Variants in ATXN1 observed in about 807,000 individuals in gnomAD.
ATXN1 encodes ataxin-1.
In ATXN1, 8 loss-of-function variants were observed where a neutral mutation model predicts 56.4. That is an observed-to-expected ratio of 0.14 (90% confidence interval 0.08 to 0.26). The LOEUF is 0.26. Ranked by LOEUF, ATXN1 falls within the 10% of genes least tolerant of loss-of-function variation. ATXN1 has a pLI of 1.00. For missense variants in ATXN1, 987 were observed against 1,106.5 expected, an observed-to-expected ratio of 0.89 and a Z score of 1.53; for synonymous variants, 514 against 494.6, an observed-to-expected ratio of 1.04 and a Z score of -0.52.
At chr6:16,530,093 A>G (rs1354003001) in intron 4 of ATXN1, among the ~76,000 whole-genome samples, 1 of 152,370 alleles carries the variant, frequency 6.6e-6, no homozygotes, top group South Asian at 2.1e-4. Flanking sequence ...AATTTGGTAG[A>G]TATCTGTTCT....
chr6:16,644,954 C>A (rs547176380), intron 3 of ATXN1, among the ~76,000 whole-genome samples: 1 of 152,134 alleles, frequency 6.6e-6, no homozygotes, highest in Non-Finnish European at 1.5e-5. Context: ...GATAACCACT[C>A]CAAAACTGTT....
chr6:16,646,823 C>T (rs567669994), intron 3 of ATXN1, among the ~76,000 whole-genome samples: 1 of 152,328 alleles, frequency 6.6e-6, no homozygotes, highest in African/African-American at 2.4e-5. Context: ...CATGTTTCCC[C>T]TAACAGTGTA....
intron 2 of ATXN1, among the ~76,000 whole-genome samples, chr6:16,723,868 TCTGG>T (rs1251816941): frequency 2.0e-5 from 3 of 152,206 alleles, no homozygotes; most frequent in African/African-American, 7.2e-5. Context: ...ATGAAAAGTT[TCTGG>T]CTATCATGCA....
At chr6:16,632,853 C>T (rs943041325) in intron 3 of ATXN1, among the ~76,000 whole-genome samples, 4 of 151,644 alleles carry the variant, frequency 2.6e-5, no homozygotes, top group African/African-American at 9.7e-5. Context: ...AAAAATTAGC[C>T]GGGTGTGGTG....
At chr6:16,415,128 C>A (rs937045076) in intron 6 of ATXN1, among the ~76,000 whole-genome samples, 1 of 152,110 alleles carries the variant, frequency 6.6e-6, no homozygotes. Context: ...GTTTGTACAA[C>A]AGAAGAAGAA....
At chr6:16,413,726 A>G (rs1758848295) in intron 6 of ATXN1, among the ~76,000 whole-genome samples, 1 of 152,162 alleles carries the variant, frequency 6.6e-6, no homozygotes, top group African/African-American at 2.4e-5. Context: ...GGGTGTCTGG[A>G]GAAAAATCCT....
intron 6 of ATXN1, among the ~76,000 whole-genome samples, chr6:16,408,430 G>A (rs780911865): frequency 6.6e-6 from 1 of 151,464 alleles, no homozygotes; most frequent in African/African-American, 2.4e-5. Flanking sequence ...TATTAAGTAT[G>A]TTAAAGAAGT....
chr6:16,328,738 G>T lies in ATXN1; in HGVS notation c.-160-268C>A, dbSNP rs955697089. Among the ~76,000 whole-genome samples the T allele has an allele frequency of 2.0e-5, 3 of 152,032 alleles. No individual in the cohort carries two copies. The highest frequency in any genetic ancestry group is 4.4e-5 in the Non-Finnish European group (3 of 68,008). ...ATCCTGGCTAACATGGTGAAACCCC[G>T]TCTCTACCAAAAATAAAAAATAAAA... On this transcript the variant is annotated intron_variant, in intron 6 of 7. Transcript: ENST00000436367. The surrounding 1 kb of genome is among the most constrained non-coding windows in gnomAD (Gnocchi z 6.2).
At position 16,661,194 on chromosome 6, in the gene ATXN1, A is replaced by G. The variant is rs531758645; in HGVS notation, c.-614-3293T>C. The stretch of plus-strand genomic sequence containing the variant: ...CTGGGAAACCTGGCTCTTCGTTTCG[A>G]AAGAGATTGCTATCTTACACCATAT... On this transcript the variant is annotated intron_variant, in intron 2 of 7. Transcript: ENST00000436367. 4.6e-5 allele frequency among the ~76,000 whole-genome samples: 7 copies of G among 152,240 alleles called. No individual in the cohort carries two copies. The East Asian group carries it at 1.2e-3, about 25-fold the overall frequency.
chr6:16,508,220 T>C (rs1761016087), intron 5 of ATXN1, among the ~76,000 whole-genome samples: 1 of 152,168 alleles, frequency 6.6e-6, no homozygotes, highest in Non-Finnish European at 1.5e-5. Context: ...CTACATGACC[T>C]GCCATGTAGT....
At chr6:16,740,346 C>T (rs187047798) in intron 2 of ATXN1, among the ~76,000 whole-genome samples, 2 of 152,220 alleles carry the variant, frequency 1.3e-5, no homozygotes, top group East Asian at 3.9e-4. Flanking sequence ...TCCTTCTTGC[C>T]TAGCAGAATA....
In ATXN1 at chr6:16,327,587, C is replaced by T. The variant is rs1760847715; in HGVS notation, c.724G>A (p.Ala242Thr). The T allele has an allele frequency of 1.3e-6, 2 of 1,596,848 alleles. No individual in the cohort carries two copies. The highest frequency in any genetic ancestry group is 1.7e-6 in the Non-Finnish European group (2 of 1,172,604). The change falls in exon 7 of 8, where the codon GCC (alanine) becomes ACC (threonine). Residue 242 changes from alanine to threonine, a missense_variant. Transcript: ENST00000436367. Reference sequence around the variant, plus strand: ...ATGTGGACGTACTGGTTCTGCTGGGCTGGTGGGGGGGACCCCGGGGTGATG... The same window carrying T: ...ATGTGGACGTACTGGTTCTGCTGGGTTGGTGGGGGGGACCCCGGGGTGATG... ...GLITPGSPPP[A>T]QQNQYVHISS...
At chr6:16,476,865 G>A (rs1203902620) in intron 6 of ATXN1, among the ~76,000 whole-genome samples, 2 of 152,172 alleles carry the variant, frequency 1.3e-5, no homozygotes, top group African/African-American at 4.8e-5. Flanking sequence ...CTTCTGTTGA[G>A]TATACAAAAC....
intron 3 of ATXN1, among the ~76,000 whole-genome samples, chr6:16,616,317 C>T (rs1763207793): frequency 6.6e-6 from 1 of 151,120 alleles, no homozygotes; most frequent in Non-Finnish European, 1.5e-5. Flanking sequence ...AGGTGGGTGG[C>T]TCACCTGAGG....
At chr6:16,682,971 T>A (rs3812196) in intron 2 of ATXN1, among the ~76,000 whole-genome samples, 1 of 152,034 alleles carries the variant, frequency 6.6e-6, no homozygotes, top group African/African-American at 2.4e-5. Flanking sequence ...GCTACCAACA[T>A]GGGTCAGGAA....
intron 6 of ATXN1, among the ~76,000 whole-genome samples, chr6:16,388,196 G>C (rs1758279841): frequency 6.6e-6 from 1 of 152,196 alleles, no homozygotes; most frequent in African/African-American, 2.4e-5. Flanking sequence ...CAGTCACGGT[G>C]AAAGGGGCTG....
rs184268019 is a variant in ATXN1, at chr6:16,590,140, G to C, written c.-488-4233C>G. Among the ~76,000 whole-genome samples, 5 of 152,272 alleles carry C rather than the reference G, an allele frequency of 3.3e-5. No individual in the cohort carries two copies. In the East Asian group the frequency reaches 9.6e-4, roughly 29 times the overall value. Reference sequence around the variant, plus strand: ...ATCCACTTCTGTTAATTACTGGACAGAGTAATGTGACTTCATAAATAAATA... The same window carrying C: ...ATCCACTTCTGTTAATTACTGGACACAGTAATGTGACTTCATAAATAAATA... On this transcript the variant is annotated intron_variant, in intron 3 of 7. Transcript: ENST00000436367.
intron 6 of ATXN1, among the ~76,000 whole-genome samples, chr6:16,366,353 C>A (rs1761918350): frequency 6.6e-6 from 1 of 152,138 alleles, no homozygotes; most frequent in East Asian, 1.9e-4. Context: ...TAACTTCTGG[C>A]TCTGGCACCC....
chr6:16,499,758 ACT>A (rs1402626947), intron 5 of ATXN1, among the ~76,000 whole-genome samples: 3 of 152,068 alleles, frequency 2.0e-5, no homozygotes, highest in Non-Finnish European at 4.4e-5. Context: ...GATACCTAAG[ACT>A]CTGTTTATCT....
Sources: allele counts gnomAD v4.1 joint callset (sites outside exome capture counted in the v4.1 genomes callset), GRCh38; gene constraint gnomAD v4.1.1; non-coding constraint Gnocchi (gnomAD v3.1); transcripts MANE v1.5; gene names NCBI Gene and HGNC (gene_info 2026-07-23, HGNC 2026-07-21).